Variants in COG5 observed in about 807,000 individuals in gnomAD.
COG5 encodes the protein component of oligomeric golgi complex 5, also known as conserved oligomeric Golgi complex subunit 5.
Under a neutral mutation model 110.4 loss-of-function variants are expected in COG5, and 86 were observed. That is an observed-to-expected ratio of 0.78 (90% CI 0.65 to 0.93). COG5 has a LOEUF of 0.93. COG5 is among the 40% of genes least tolerant of loss of function. The pLI is 0.00. For synonymous variants in COG5, 360 were observed against 334.6 expected, an observed-to-expected ratio of 1.08 and a Z score of -0.83; for missense variants, 1,077 against 987.0, an observed-to-expected ratio of 1.09 and a Z score of -1.22.
Position 107,355,207 on chromosome 7 carries a change from A to T in COG5, c.1026+6826T>A, listed in dbSNP as rs1812516299. On this transcript the variant is annotated intron_variant, in intron 10 of 21. Transcript: ENST00000297135. ...TCTACAGGAAAACATAAATTTAAAA[A>T]ATGAGTTACCATGACACACCTATTA... 3.3e-5 allele frequency among the ~76,000 whole-genome samples: 5 copies of T among 152,316 alleles called. No homozygotes were observed. In the South Asian group the frequency reaches 1.0e-3, roughly 32 times the overall value.
At chr7:107,446,851 C>T (rs560462304) in intron 6 of COG5, among the ~76,000 whole-genome samples, 1 of 152,320 alleles carries the variant, frequency 6.6e-6, no homozygotes, top group Non-Finnish European at 1.5e-5. Context: ...GATTCCCACC[C>T]CTTTGCATTA....
chr7:107,394,154 AG>A (rs1365293455), intron 7 of COG5, among the ~76,000 whole-genome samples: 1 of 151,908 alleles, frequency 6.6e-6, no homozygotes, highest in Non-Finnish European at 1.5e-5. Flanking sequence ...TAGTAGAGAC[AG>A]GGTTTCACTG....
rs574610050 is a variant in COG5 at position 107,502,365 on chromosome 7, A to G, written c.538+24872T>C. Among the ~76,000 whole-genome samples, 9 of 152,252 alleles carry G rather than the reference A, an allele frequency of 5.9e-5. No homozygotes were observed. The East Asian group carries it at 1.7e-3, about 29-fold the overall frequency. On this transcript the variant is annotated intron_variant, in intron 6 of 21. Transcript: ENST00000297135. ...ACTTCATTCCTTTTTATGGCTGAGT[A>G]GTATTACATGGTGTGTATATACATA...
intron 7 of COG5, among the ~76,000 whole-genome samples, chr7:107,387,754 A>G (rs1362642889): frequency 6.6e-6 from 1 of 152,244 alleles, no homozygotes; most frequent in African/African-American, 2.4e-5. Flanking sequence ...TAGCACTCAG[A>G]GAGCTGAGAT....
At chr7:107,240,375 C>T (rs145551604) in intron 17 of COG5, among the ~76,000 whole-genome samples, 6,350 of 152,142 alleles carry the variant, frequency 0.042, 195 homozygotes, top group Middle Eastern at 0.12. Context: ...GCCACCACCC[C>T]GGGCTAATTT....
At chr7:107,385,885 C>T (rs1354008539) in intron 7 of COG5, among the ~76,000 whole-genome samples, 2 of 148,984 alleles carry the variant, frequency 1.3e-5, no homozygotes, top group African/African-American at 2.5e-5. Flanking sequence ...ATTTCCCTTA[C>T]GATTAATGAC....
intron 6 of COG5, among the ~76,000 whole-genome samples, chr7:107,505,138 T>C (rs1399164087): frequency 2.6e-5 from 4 of 152,192 alleles, no homozygotes; most frequent in Admixed American, 6.5e-5. Context: ...GATGTGCACT[T>C]TTTTATTTAT....
chr7:107,221,658 G>C (rs555114279), intron 19 of COG5, among the ~76,000 whole-genome samples: 1 of 151,718 alleles, frequency 6.6e-6, no homozygotes, highest in Non-Finnish European at 1.5e-5. Flanking sequence ...CCAGCCACTC[G>C]GGAGGCTGAG....
chr7:107,346,952 CA>C (rs1229608395), intron 10 of COG5, among the ~76,000 whole-genome samples: 1 of 152,056 alleles, frequency 6.6e-6, no homozygotes, highest in African/African-American at 2.4e-5. Context: ...AAATATTCAG[CA>C]AGTTTCTAAC....
At chr7:107,531,334 T>C (rs1801185650) in intron 5 of COG5, among the ~76,000 whole-genome samples, 1 of 152,196 alleles carries the variant, frequency 6.6e-6, no homozygotes, top group Non-Finnish European at 1.5e-5. Flanking sequence ...GAGGGTGGTA[T>C]ATTTTAAGAG....
intron 12 of COG5, among the ~76,000 whole-genome samples, chr7:107,285,330 A>G (rs988175918): frequency 1.3e-5 from 2 of 152,184 alleles, no homozygotes; most frequent in African/African-American, 4.8e-5. Flanking sequence ...TTTACTCATG[A>G]CATCTACTGA....
At chr7:107,436,855 AGT>A (rs1794400654) in intron 6 of COG5, among the ~76,000 whole-genome samples, 1 of 152,246 alleles carries the variant, frequency 6.6e-6, no homozygotes, top group African/African-American at 2.4e-5. Context: ...TTAAATAAAA[AGT>A]GTAGTATTTA....
At chr7:107,470,248 C>G (rs1187761620) in intron 6 of COG5, 1 of 152,234 alleles carries the variant, frequency 6.6e-6, no homozygotes, top group Non-Finnish European at 1.5e-5. Context: ...AGCCTCTAAG[C>G]AGCACTACAT....
intron 6 of COG5, among the ~76,000 whole-genome samples, chr7:107,505,536 A>G (rs1798931072): frequency 6.6e-6 from 1 of 152,190 alleles, no homozygotes; most frequent in Non-Finnish European, 1.5e-5. Context: ...ACCCATGCCA[A>G]GCTCCCATGG....
chr7:107,435,024 G>A (rs1487281238), intron 6 of COG5, among the ~76,000 whole-genome samples: 1 of 151,494 alleles, frequency 6.6e-6, no homozygotes, highest in Admixed American at 6.6e-5. Context: ...AGATTATGAG[G>A]ACATTATGCA....
Position 107,281,314 on chromosome 7 carries a change from T to C in COG5, c.1561A>G (p.Lys521Glu), listed in dbSNP as rs768443334. 1.9e-6 allele frequency: 3 copies of C among 1,611,944 alleles called. No homozygotes were observed. Among genetic ancestry groups the C allele is most frequent in the Admixed American group, 1.7e-5 (1 of 60,024 alleles). ...AAACCACTTACAAGCTGCTCTGATT[T>C]TACACTGTATAACTGGATGGTCTTT... Reference protein sequence around the residue: ...VAKTIQLYSVKSEQLLSTQGD... With the variant: ...VAKTIQLYSVESEQLLSTQGD... Residue 521 changes from lysine to glutamate, a missense_variant, in exon 14 of 22, where the codon AAA becomes GAA. Coordinates refer to ENST00000297135, the MANE Select transcript of COG5 (RefSeq NM_006348.5).
chr7:107,454,475 C>T (rs1164150052), intron 6 of COG5, among the ~76,000 whole-genome samples: 1 of 152,094 alleles, frequency 6.6e-6, no homozygotes, highest in Admixed American at 6.5e-5. Flanking sequence ...TTATTCTTTA[C>T]AAGTAATCTT....
rs1204947567 is a variant in COG5 at position 107,288,905 on chromosome 7, GAGATATATATATATATATATATATATAT to G, written c.1314-5201_1314-5174del. On this transcript the variant is annotated intron_variant, in intron 12 of 21. Coordinates refer to ENST00000297135, the MANE Select transcript of COG5 (RefSeq NM_006348.5). ...AGATTTGCCCCTATGTTTTCTAACA[GAGATATATATATATATATATATATATAT>G]ATATATATATATATATATATATATA... Among the ~76,000 whole-genome samples the G allele has an allele frequency of 6.1e-3, 408 of 67,292 alleles. 8 individuals are homozygous for G. The highest frequency in any genetic ancestry group is 0.019 in the African/African-American group (400 of 20,922). 44.1% of individuals were successfully genotyped at this position (67,292 alleles called of 152,430 possible).
At chr7:107,438,579 A>C (rs1156687770) in intron 6 of COG5, among the ~76,000 whole-genome samples, 2 of 152,164 alleles carry the variant, frequency 1.3e-5, no homozygotes, top group Non-Finnish European at 2.9e-5. Context: ...ACTCTCTCCC[A>C]ACTACAAACT....
Sources: allele counts gnomAD v4.1 joint callset (sites outside exome capture counted in the v4.1 genomes callset), GRCh38; gene constraint gnomAD v4.1.1; transcripts MANE v1.5; gene names NCBI Gene and HGNC (gene_info 2026-07-23, HGNC 2026-07-21).